LHFPL6: variants seen among roughly 807,000 people sequenced by gnomAD.
LHFPL6 encodes the protein LHFPL tetraspan subfamily member 6 protein.
Under a neutral mutation model 20.6 loss-of-function variants are expected in LHFPL6, and 9 were observed. The ratio of observed to expected loss-of-function variants is 0.44; its 90% CI spans 0.26 to 0.76. LHFPL6 has a LOEUF of 0.76. Among genes scored for constraint, LHFPL6 ranks in the 30% least tolerant of loss-of-function variants. The pLI, the probability that LHFPL6 is intolerant of heterozygous loss-of-function variation, is 0.20. For synonymous variants in LHFPL6, 105 were observed against 98.7 expected (o/e 1.06, Z -0.38); for missense variants, 218 against 253.5 (o/e 0.86, Z 0.95).
At chr13:39,371,294 C>A (rs1870161291) in intron 3 of LHFPL6, among the ~76,000 whole-genome samples, 2 of 152,156 alleles carry the variant, frequency 1.3e-5, no homozygotes, top group African/African-American at 2.4e-5. Flanking sequence ...TACTTTTGAT[C>A]ACAAGGATAT....
chr13:39,571,868 G>A (rs1871927161), intron 2 of LHFPL6, among the ~76,000 whole-genome samples: 1 of 152,246 alleles, frequency 6.6e-6, no homozygotes, highest in African/African-American at 2.4e-5. Context: ...CCTGCATGGA[G>A]CTTGCTTCTG....
In LHFPL6 at chr13:39,454,574, A is replaced by G. The variant is rs1329534517; in HGVS notation, c.386-76048T>C. 1.9e-4 allele frequency among the ~76,000 whole-genome samples: 6 copies of G among 32,078 alleles called. 1 individual carries two copies. Among genetic ancestry groups the G allele is most frequent in the Non-Finnish European group, 3.0e-4 (6 of 19,864 alleles). The allele number at this position is 32,078 out of a possible 152,430, so 21.0% of individuals were successfully genotyped here. ...AACCCGGGAGGCGGAGCTTACAGTG[A>G]GCCGAGATCCCGCCACTGCACTCCA... On this transcript the variant is annotated intron_variant, in intron 2 of 3. Coordinates refer to ENST00000379589, the MANE Select transcript of LHFPL6 (RefSeq NM_005780.3).
chr13:39,524,359 A>G (rs1184904332), intron 2 of LHFPL6, among the ~76,000 whole-genome samples: 1 of 147,136 alleles, frequency 6.8e-6, no homozygotes, highest in Non-Finnish European at 1.5e-5. Flanking sequence ...AAAAAAAAGG[A>G]TGAGGGAAAC....
chr13:39,367,847 C>T (rs1870051538), intron 3 of LHFPL6, among the ~76,000 whole-genome samples: 1 of 152,148 alleles, frequency 6.6e-6, no homozygotes. Context: ...GTCTGAAGAT[C>T]AAAGGTTACC....
chr13:39,468,362 C>T (rs1029315478), intron 2 of LHFPL6, among the ~76,000 whole-genome samples: 3 of 151,932 alleles, frequency 2.0e-5, no homozygotes, highest in Non-Finnish European at 4.4e-5. Flanking sequence ...ATGCATTTTT[C>T]CTGGCTTTAA....
At chr13:39,436,390 AAAGT>A (rs1321885923) in intron 2 of LHFPL6, among the ~76,000 whole-genome samples, 1 of 152,258 alleles carries the variant, frequency 6.6e-6, no homozygotes, top group Non-Finnish European at 1.5e-5. Flanking sequence ...GCTTAAATAA[AAAGT>A]AACAAGTTAA....
chr13:39,362,170 T>C (rs1469856203), intron 3 of LHFPL6, among the ~76,000 whole-genome samples: 1 of 152,240 alleles, frequency 6.6e-6, no homozygotes, highest in Non-Finnish European at 1.5e-5. Flanking sequence ...AGGAGGGGCC[T>C]GGTGGGAGGT....
At chr13:39,428,238 T>C (rs999345022) in intron 2 of LHFPL6, among the ~76,000 whole-genome samples, 1 of 152,228 alleles carries the variant, frequency 6.6e-6, no homozygotes, top group African/African-American at 2.4e-5. Flanking sequence ...TAAAATGAAT[T>C]GAGAAGTATT....
chr13:39,592,602 A>G (rs1208068481), intron 2 of LHFPL6, among the ~76,000 whole-genome samples: 1 of 152,164 alleles, frequency 6.6e-6, no homozygotes, highest in African/African-American at 2.4e-5. Context: ...AAAAGAGGGA[A>G]TCCTCCCTAA....
At chr13:39,352,518 G>A (rs2138337717) in intron 3 of LHFPL6, among the ~76,000 whole-genome samples, 1 of 152,156 alleles carries the variant, frequency 6.6e-6, no homozygotes, top group Non-Finnish European at 1.5e-5. Flanking sequence ...AAACCTCCAT[G>A]TTTACAGTTT....
At chr13:39,524,537 C>T (rs927103389) in intron 2 of LHFPL6, among the ~76,000 whole-genome samples, 1 of 152,192 alleles carries the variant, frequency 6.6e-6, no homozygotes, top group South Asian at 2.1e-4. Flanking sequence ...CTTGATTCAA[C>T]CCTCTATAAT....
chr13:39,440,525 A>G (rs7335423), intron 2 of LHFPL6, among the ~76,000 whole-genome samples: 144,189 of 152,250 alleles, frequency 0.95, 68,774 homozygotes, highest in Non-Finnish European at 1. Context: ...ATACATAGGC[A>G]CTTTCTTTGA....
At chr13:39,484,006 G>A (rs1346960576) in intron 2 of LHFPL6, among the ~76,000 whole-genome samples, 4 of 152,122 alleles carry the variant, frequency 2.6e-5, no homozygotes, top group Non-Finnish European at 5.9e-5. Flanking sequence ...GATTCTGTTG[G>A]AAGAGGACAA....
At chr13:39,530,022 A>T in intron 2 of LHFPL6, among the ~76,000 whole-genome samples, 1 of 152,198 alleles carries the variant, frequency 6.6e-6, no homozygotes, top group East Asian at 1.9e-4. Context: ...GCTTAGTTCA[A>T]TGCATTGTGC....
chr13:39,563,967 A>G (rs935178642), intron 2 of LHFPL6, among the ~76,000 whole-genome samples: 4 of 152,128 alleles, frequency 2.6e-5, no homozygotes, highest in African/African-American at 7.2e-5. Flanking sequence ...ATATCCCCCA[A>G]AGGTGATAAA....
chr13:39,579,940 A>G (rs1286347936), intron 2 of LHFPL6, among the ~76,000 whole-genome samples: 1 of 152,222 alleles, frequency 6.6e-6, no homozygotes, highest in Non-Finnish European at 1.5e-5. Context: ...CTTTGTTCCC[A>G]TAGTACCTAT....
In LHFPL6 at chr13:39,501,720, G is replaced by A. The variant is rs144267412; in HGVS notation, c.385+99112C>T. The stretch of plus-strand genomic sequence containing the variant: ...TTTCTCTCCATTTACCCCATGGAGA[G>A]GGCAGGCTGGAACCCCTGCTCTTAG... On this transcript the variant is annotated intron_variant, in intron 2 of 3. Coordinates refer to ENST00000379589, the MANE Select transcript of LHFPL6 (RefSeq NM_005780.3). Among the ~76,000 whole-genome samples, 606 of 152,272 alleles carry A rather than the reference G, an allele frequency of 4.0e-3. 4 individuals carry two copies. Among genetic ancestry groups the A allele is most frequent in the African/African-American group, 0.014 (577 of 41,554 alleles).
intron 2 of LHFPL6, among the ~76,000 whole-genome samples, chr13:39,587,110 T>C (rs1204343142): frequency 2.0e-5 from 3 of 151,820 alleles, no homozygotes; most frequent in South Asian, 2.1e-4. Context: ...TGAGCCGAGA[T>C]TGCATCACCT....
intron 2 of LHFPL6, among the ~76,000 whole-genome samples, chr13:39,386,539 T>C (rs1038712544): frequency 7.2e-5 from 11 of 152,178 alleles, no homozygotes; most frequent in African/African-American, 2.7e-4. Context: ...TTTCCACCTA[T>C]CATGATCTCA....
Sources: allele counts gnomAD v4.1 joint callset (sites outside exome capture counted in the v4.1 genomes callset), GRCh38; gene constraint gnomAD v4.1.1; transcripts MANE v1.5; gene names NCBI Gene and HGNC (gene_info 2026-07-23, HGNC 2026-07-21).